GRID2: variants seen among roughly 807,000 people sequenced by gnomAD.
The protein encoded by GRID2 is glutamate ionotropic receptor delta type subunit 2.
A neutral mutation model predicts 114.8 loss-of-function variants in GRID2; 33 were observed. The observed-to-expected ratio is 0.29, with a 90% CI of 0.22 to 0.38. The LOEUF is 0.38. Ranked by LOEUF, GRID2 falls within the 10% of genes least tolerant of loss-of-function variation. The probability of loss-of-function intolerance (pLI) is 1.00; values close to 1 mark genes in which losing one functional copy is unlikely to be tolerated. For synonymous variants in GRID2, 505 were observed against 449.9 expected (o/e 1.12, Z -1.55); for missense variants, 1,184 against 1,257.7 (o/e 0.94, Z 0.89).
intron 8 of GRID2, among the ~76,000 whole-genome samples, chr4:93,256,964 T>C (rs2149541045): frequency 6.6e-6 from 1 of 152,010 alleles, no homozygotes; most frequent in Middle Eastern, 3.4e-3. Context: ...ATGTTGGCTG[T>C]ATAGTTTTAT....
chr4:92,764,795 T>C (rs551969001), intron 2 of GRID2, among the ~76,000 whole-genome samples: 3 of 152,314 alleles, frequency 2.0e-5, no homozygotes, highest in East Asian at 3.9e-4. Context: ...GAAATATCTA[T>C]TGAGTAAATA....
At chr4:93,592,508 T>A (rs555443031) in intron 13 of GRID2, among the ~76,000 whole-genome samples, 234 of 152,252 alleles carry the variant, frequency 1.5e-3, no homozygotes, top group African/African-American at 5.3e-3. Context: ...AGGTGTGGTG[T>A]GGTGCTGAAA....
chr4:93,424,543 G>A (rs1393119695), intron 10 of GRID2, among the ~76,000 whole-genome samples: 2 of 151,944 alleles, frequency 1.3e-5, no homozygotes, highest in African/African-American at 4.8e-5. Flanking sequence ...TGAGAAATTA[G>A]CCATCATCTG....
intron 8 of GRID2, among the ~76,000 whole-genome samples, chr4:93,371,748 T>TC (rs1465375311): frequency 7.2e-6 from 1 of 138,500 alleles, no homozygotes; most frequent in Admixed American, 7.1e-5. Context: ...TTTCTTTTTT[T>TC]TTTTTTTTTT....
At chr4:93,311,561 A>G (rs888961729) in intron 8 of GRID2, among the ~76,000 whole-genome samples, 3 of 152,240 alleles carry the variant, frequency 2.0e-5, no homozygotes, top group African/African-American at 7.2e-5. Flanking sequence ...TACTTTTTAA[A>G]GCAAGCTAGC....
chr4:92,829,646 A>C (rs1741963974), intron 2 of GRID2, among the ~76,000 whole-genome samples: 1 of 152,132 alleles, frequency 6.6e-6, no homozygotes, highest in African/African-American at 2.4e-5. Flanking sequence ...TGTTTATTGC[A>C]GCACTATTTA....
At chr4:92,595,592 C>T (rs974480510) in intron 2 of GRID2, among the ~76,000 whole-genome samples, 25 of 151,948 alleles carry the variant, frequency 1.6e-4, no homozygotes, top group African/African-American at 5.3e-4. Context: ...ATGATGATTT[C>T]AATTAGATCT....
intron 8 of GRID2, among the ~76,000 whole-genome samples, chr4:93,315,089 C>G (rs1457023252): frequency 6.6e-6 from 1 of 152,118 alleles, no homozygotes; most frequent in Non-Finnish European, 1.5e-5. Context: ...GAGTGTCTTA[C>G]ATGGTGGCAT....
chr4:93,482,325 G>A (rs553333036), intron 11 of GRID2, among the ~76,000 whole-genome samples: 52 of 152,056 alleles, frequency 3.4e-4, no homozygotes, highest in Middle Eastern at 3.4e-3. Context: ...AGAAAATGTG[G>A]CACATTTATA....
intron 1 of GRID2, among the ~76,000 whole-genome samples, chr4:92,405,717 A>C (rs1236121379): frequency 3.1e-5 from 2 of 64,830 alleles, no homozygotes; most frequent in Non-Finnish European, 6.4e-5. Context: ...TCAGTAATAC[A>C]AAAAAAAAAA....
chr4:93,770,459 A>G (rs535650786), intron 15 of GRID2, among the ~76,000 whole-genome samples: 14 of 152,322 alleles, frequency 9.2e-5, no homozygotes, highest in South Asian at 8.3e-4. Flanking sequence ...TGTTTTTTTC[A>G]AACAGGGTGA....
chr4:93,055,521 AAACAACAAC>A (rs768197501), intron 2 of GRID2, among the ~76,000 whole-genome samples: 7 of 151,954 alleles, frequency 4.6e-5, no homozygotes, highest in South Asian at 2.1e-4. Flanking sequence ...AAGTATAATT[AAACAACAAC>A]AACAACAACA....
intron 2 of GRID2, among the ~76,000 whole-genome samples, chr4:92,718,250 A>T (rs1735640760): frequency 6.6e-6 from 1 of 152,058 alleles, no homozygotes; most frequent in Non-Finnish European, 1.5e-5. Flanking sequence ...AATGTGAAGA[A>T]ACATAGGAAA....
chr4:92,750,626 CA>C (rs751123786), intron 2 of GRID2, among the ~76,000 whole-genome samples: 8 of 152,144 alleles, frequency 5.3e-5, no homozygotes, highest in Non-Finnish European at 1.2e-4. Flanking sequence ...TTTCTTATGT[CA>C]GTAGCCTCCA....
intron 4 of GRID2, among the ~76,000 whole-genome samples, chr4:93,170,276 G>C (rs1738669821): frequency 6.6e-6 from 1 of 152,082 alleles, no homozygotes; most frequent in Admixed American, 6.5e-5. Context: ...TAGAGATGGG[G>C]TTTCGCCACG....
Position 93,768,533 on chromosome 4 carries a change from G to T in GRID2, c.2361-677G>T, listed in dbSNP as rs530600555. ...TATTTGAATTTAACTACTTCTGAAA[G>T]CCTCTGGTCAGGTTTTCTTCTTGTT... On this transcript the variant is annotated intron_variant, in intron 14 of 15. Coordinates refer to ENST00000282020, the MANE Select transcript of GRID2 (RefSeq NM_001510.4). 2.0e-5 allele frequency among the ~76,000 whole-genome samples: 3 copies of T among 152,258 alleles called. No individual in the cohort carries two copies. In the South Asian group the frequency reaches 6.2e-4, roughly 32 times the overall value.
chr4:93,045,201 T>C (rs1726014730), intron 2 of GRID2, among the ~76,000 whole-genome samples: 2 of 152,248 alleles, frequency 1.3e-5, no homozygotes, highest in East Asian at 3.9e-4. Flanking sequence ...ATTCAAAGGT[T>C]CTACAGGCAA....
chr4:92,829,452 G>T (rs777087701), intron 2 of GRID2, among the ~76,000 whole-genome samples: 1 of 152,124 alleles, frequency 6.6e-6, no homozygotes, highest in Non-Finnish European at 1.5e-5. Context: ...TGCTGGGGAG[G>T]TTATTGAGAA....
chr4:93,170,572 T>C (rs576294909), intron 4 of GRID2, among the ~76,000 whole-genome samples: 68 of 152,334 alleles, frequency 4.5e-4, no homozygotes, highest in Non-Finnish European at 4.1e-4. Context: ...ATAGCAGTTT[T>C]ATTTTGGTTT....
Sources: gnomAD v4.1 joint callset for allele counts (sites outside exome capture counted in the v4.1 genomes callset) on GRCh38, gnomAD v4.1.1 for gene constraint, MANE v1.5 for transcripts, NCBI Gene and HGNC (gene_info 2026-07-23, HGNC 2026-07-21) for gene names.